ENPP1: variants seen among roughly 807,000 people sequenced by gnomAD.
The protein encoded by ENPP1 is ectonucleotide pyrophosphatase/phosphodiesterase 1, also known as ectonucleotide pyrophosphatase/phosphodiesterase family member 1.
In ENPP1, 73 loss-of-function variants were observed where a neutral mutation model predicts 122.8. The ratio of observed to expected loss-of-function variants is 0.59; its 90% CI spans 0.49 to 0.72. The LOEUF (loss-of-function observed/expected upper bound fraction) is 0.72. Ranked by LOEUF, ENPP1 falls within the 30% of genes least tolerant of loss-of-function variation. The pLI is 0.00. For missense variants in ENPP1, 978 were observed against 1,128.1 expected (o/e 0.87, Z 1.91); for synonymous variants, 367 against 391.6 (o/e 0.94, Z 0.74).
intron 1 of ENPP1, among the ~76,000 whole-genome samples, chr6:131,811,999 G>A (rs1211614562): frequency 6.6e-6 from 1 of 152,176 alleles, no homozygotes; most frequent in African/African-American, 2.4e-5. Context: ...TTCCAAGGCT[G>A]AATTGGTAGG....
chr6:131,864,874 T>A lies in ENPP1; in HGVS notation c.1100T>A (p.Phe367Tyr), dbSNP rs1397828254. Residue 367 changes from phenylalanine (F) to tyrosine (Y), a missense_variant, in exon 11 of 25, where the codon TTT becomes TAT. Physicochemically the swap from Phe to Tyr is conservative, Grantham distance 22 (BLOSUM62 3). This residue lies in a region of ENPP1 where 644 missense variants were observed against 781.5 expected (regional missense o/e 0.82). Transcript: ENST00000647893. ...LQLPKDERPH[F>Y]YTLYLEEPDS... ...GATACTGTTTGATTTAGACCACACT[T>A]TTACACTCTGTATTTAGAAGAACCA... The A allele has an allele frequency of 6.3e-7, 1 of 1,598,330 alleles. No homozygotes were observed. The highest frequency in any genetic ancestry group is 1.7e-5 in the Admixed American group (1 of 59,994).
At chr6:131,818,530 C>A (rs948760534) in intron 1 of ENPP1, among the ~76,000 whole-genome samples, 2 of 151,878 alleles carry the variant, frequency 1.3e-5, no homozygotes, top group African/African-American at 4.8e-5. Context: ...CGCCTGTAGT[C>A]CCAGCTCCTT....
chr6:131,847,007 A>G lies in ENPP1; in HGVS notation c.241-769A>G, dbSNP rs139475009. 1.6e-3 allele frequency among the ~76,000 whole-genome samples: 242 copies of G among 152,302 alleles called. 1 individual carries two copies. The highest frequency in any genetic ancestry group is 0.014 in the Middle Eastern group (4 of 294). ...TCACGTAGTCCAACCCTTAAATTTTATAGATGAATAAACTGGTATCTAGAA... is the reference window on the plus strand; with the variant it reads ...TCACGTAGTCCAACCCTTAAATTTTGTAGATGAATAAACTGGTATCTAGAA... On this transcript the variant is annotated intron_variant, in intron 1 of 24. Transcript: ENST00000647893.
chr6:131,845,323 G>C (rs1020627724), intron 1 of ENPP1, among the ~76,000 whole-genome samples: 1 of 151,516 alleles, frequency 6.6e-6, no homozygotes, highest in Non-Finnish European at 1.5e-5. Context: ...GAGCCACCGT[G>C]CCTGGCCAAT....
At chr6:131,872,032 A>G in intron 13 of ENPP1, 38 bp from the exon 14 acceptor site, 1 of 1,443,052 alleles carries the variant, frequency 6.9e-7, no homozygotes, top group East Asian at 2.3e-5. Context: ...ATTATAGTAT[A>G]CAATCAACTA....
intron 13 of ENPP1, among the ~76,000 whole-genome samples, chr6:131,870,921 CA>C (rs1388710038): frequency 1.1e-4 from 17 of 152,066 alleles, no homozygotes. Context: ...ATGAAAAATA[CA>C]AAAATTATCT....
chr6:131,825,737 T>C (rs1175620371), intron 1 of ENPP1, among the ~76,000 whole-genome samples: 1 of 152,202 alleles, frequency 6.6e-6, no homozygotes. Flanking sequence ...TATTTTAAGA[T>C]TCCTTATCCA....
intron 11 of ENPP1, 125 bp from the exon 12 acceptor site, chr6:131,867,893 A>ATCTG: frequency 1.4e-6 from 1 of 715,096 alleles, no homozygotes. Flanking sequence ...TTATCTATCT[A>ATCTG]TCTGTCTGTC....
chr6:131,886,482 A>T, intron 23 of ENPP1, 80 bp from the exon 24 acceptor site: 1 of 1,069,948 alleles, frequency 9.3e-7, no homozygotes, highest in Non-Finnish European at 1.4e-6. Flanking sequence ...TATATGTATT[A>T]AAAGCATGCT....
chr6:131,813,853 T>A (rs1003891987), intron 1 of ENPP1, among the ~76,000 whole-genome samples: 5 of 152,160 alleles, frequency 3.3e-5, no homozygotes, highest in African/African-American at 1.2e-4. Flanking sequence ...TCGAGGGCTT[T>A]GGATTTTATT....
chr6:131,818,064 C>G (rs1781438412), intron 1 of ENPP1, among the ~76,000 whole-genome samples: 1 of 152,020 alleles, frequency 6.6e-6, no homozygotes, highest in Non-Finnish European at 1.5e-5. Flanking sequence ...TCCCGATCCC[C>G]CTCCTGCTTA....
At chr6:131,817,147 CAT>C (rs66926516) in intron 1 of ENPP1, among the ~76,000 whole-genome samples, 14,044 of 152,222 alleles carry the variant, frequency 0.092, 757 homozygotes, top group South Asian at 0.21. Context: ...ACCATTAGTA[CAT>C]AATAGACTAT....
chr6:131,862,202 C>CA (rs1386559738), intron 9 of ENPP1, among the ~76,000 whole-genome samples: 1 of 151,702 alleles, frequency 6.6e-6, no homozygotes, highest in African/African-American at 2.4e-5. Flanking sequence ...AAACAACAAA[C>CA]AAAAAAAGAC....
rs1156744941 is a variant in ENPP1 at position 131,893,759 on chromosome 6, T to C, written c.*3248T>C. ...CTTGAAAGAGACTCCTCCTTTCTTT[T>C]CTTTTCTTGAAAGAGTTTTAAACAG... On this transcript the variant is annotated 3_prime_UTR_variant, in exon 25 of 25. Coordinates refer to ENST00000647893, the MANE Select transcript of ENPP1 (RefSeq NM_006208.3). 6.6e-6 allele frequency: 1 copy of C among 152,084 alleles called. No homozygotes were observed. Among genetic ancestry groups the C allele is most frequent in the African/African-American group, 2.4e-5 (1 of 41,436 alleles). The allele number at this position is 152,084 out of a possible 1,614,324, so 9.4% of individuals were successfully genotyped here.
At position 131,892,896 on chromosome 6, in the gene ENPP1, T is replaced by A. The variant is rs1782489840; in HGVS notation, c.*2385T>A. 6.6e-6 allele frequency: 1 copy of A among 152,106 alleles called. No homozygotes were observed. Among genetic ancestry groups the A allele is most frequent in the Non-Finnish European group, 1.5e-5 (1 of 68,032 alleles). 9.4% of individuals were successfully genotyped at this position (152,106 alleles called of 1,614,324 possible). A position where few individuals can be genotyped will look rare whatever the true frequency, so the allele number is the denominator to read the frequency against. On this transcript the variant is annotated 3_prime_UTR_variant, in exon 25 of 25. Transcript: ENST00000647893. ...TTTGGCAGGAGAGAGCAGGACTCTCTTAGGGCTTTTTTTTCCCCTGCATTT... is the reference window on the plus strand; with the variant it reads ...TTTGGCAGGAGAGAGCAGGACTCTCATAGGGCTTTTTTTTCCCCTGCATTT...
chr6:131,828,214 G>C, intron 1 of ENPP1: 1 of 564,976 alleles, frequency 1.8e-6, no homozygotes, highest in Admixed American at 1.9e-5. Context: ...ATGTTCCAAG[G>C]CATGGTGCAA....
At chr6:131,877,899 A>C (rs191367551) in intron 18 of ENPP1, 1 of 123,200 alleles carries the variant, frequency 8.1e-6, no homozygotes, top group African/African-American at 3.0e-5. Context: ...ATATATATAT[A>C]GCAATTTGGA....
chr6:131,828,226 G>T, intron 1 of ENPP1: 1 of 562,112 alleles, frequency 1.8e-6, no homozygotes, highest in South Asian at 1.4e-5. Context: ...ATGGTGCAAT[G>T]ATTGTCAAAT....
intron 1 of ENPP1, among the ~76,000 whole-genome samples, chr6:131,834,643 G>A (rs1370763545): frequency 6.6e-6 from 1 of 151,020 alleles, no homozygotes; most frequent in African/African-American, 2.4e-5. Context: ...CAGTTCTCCT[G>A]CCTTAGGCCC....
Sources: gnomAD v4.1 joint callset for allele counts (sites outside exome capture counted in the v4.1 genomes callset) on GRCh38, gnomAD v4.1.1 for gene constraint, gnomAD v4.1.1 regional missense constraint, MANE v1.5 for transcripts, NCBI Gene and HGNC (gene_info 2026-07-23, HGNC 2026-07-21) for gene names.